MCM9: variants seen among roughly 807,000 people sequenced by gnomAD.
MCM9 encodes DNA helicase MCM9.
In MCM9, 55 loss-of-function variants were observed where a neutral mutation model predicts 72.8. The observed-to-expected ratio is 0.76, with a 90% CI of 0.61 to 0.95. MCM9 has a LOEUF of 0.95. Ranked by LOEUF, MCM9 falls within the 40% of genes least tolerant of loss-of-function variation. The pLI is 0.00. For synonymous variants in MCM9, 480 were observed against 503.4 expected, an observed-to-expected ratio of 0.95 and a Z score of 0.62; for missense variants, 1,279 against 1,377.0, an observed-to-expected ratio of 0.93 and a Z score of 1.13.
At chr6:118,850,195 C>A (rs1776131528) in intron 9 of MCM9, among the ~76,000 whole-genome samples, 1 of 151,794 alleles carries the variant, frequency 6.6e-6, no homozygotes, top group Non-Finnish European at 1.5e-5. Context: ...TGCACTTTAA[C>A]AACATATAAC....
chr6:118,878,231 T>C (rs1778064429), intron 8 of MCM9, among the ~76,000 whole-genome samples: 2 of 151,974 alleles, frequency 1.3e-5, no homozygotes, highest in South Asian at 2.1e-4. Context: ...TATTAAAAGA[T>C]AATACTGATC....
chr6:118,924,233 G>A, intron 3 of MCM9, 106 bp from the exon 4 acceptor site: 5 of 993,718 alleles, frequency 5.0e-6, no homozygotes, highest in South Asian at 3.3e-5. Context: ...ATTTCAGGGG[G>A]AAAAAAAAGA....
At chr6:118,823,106 G>A (rs1214425892) in intron 13 of MCM9, among the ~76,000 whole-genome samples, 2 of 152,150 alleles carry the variant, frequency 1.3e-5, no homozygotes, top group African/African-American at 4.8e-5. Context: ...CCCTTTCCAG[G>A]GGAGTGAATG....
At chr6:118,823,281 T>C (rs542900813) in intron 13 of MCM9, among the ~76,000 whole-genome samples, 84 of 152,252 alleles carry the variant, frequency 5.5e-4, no homozygotes, top group South Asian at 1.7e-3. Flanking sequence ...GCAAAAACCA[T>C]GGGAAAAGCG....
At chr6:118,848,129 T>G (rs1247621185) in intron 9 of MCM9, among the ~76,000 whole-genome samples, 1 of 151,848 alleles carries the variant, frequency 6.6e-6, no homozygotes, top group Admixed American at 6.5e-5. Context: ...AGCACTTCAT[T>G]TTAGATAGAC....
intron 9 of MCM9, among the ~76,000 whole-genome samples, 168 bp downstream of exon 9, chr6:118,856,203 C>T (rs1042086251): frequency 1.3e-5 from 2 of 152,216 alleles, no homozygotes; most frequent in African/African-American, 2.4e-5. Flanking sequence ...TTTCCTCACA[C>T]ACTTCTGTGG....
At chr6:118,894,076 TAA>T (rs760464761) in intron 8 of MCM9, 82 of 1,096,490 alleles carry the variant, frequency 7.5e-5, no homozygotes, top group East Asian at 1.4e-4. Context: ...GAGCCGCAGT[TAA>T]AGTTTCCGAG....
chr6:118,897,264 C>G (rs1263487552), intron 8 of MCM9, among the ~76,000 whole-genome samples: 3 of 152,088 alleles, frequency 2.0e-5, no homozygotes, highest in Non-Finnish European at 2.9e-5. Context: ...CCTTTAAGAG[C>G]TGCCCTGTAG....
intron 9 of MCM9, among the ~76,000 whole-genome samples, chr6:118,850,656 G>T (rs1053953837): frequency 7.9e-5 from 12 of 151,744 alleles, no homozygotes; most frequent in Non-Finnish European, 1.6e-4. Context: ...GTTGGTATTT[G>T]TTGTCCTGAG....
At chr6:118,916,445 A>C (rs1289380520) in intron 6 of MCM9, among the ~76,000 whole-genome samples, 2,629 of 87,752 alleles carry the variant, frequency 0.03, 82 homozygotes, top group African/African-American at 0.12. Flanking sequence ...TATTATTATT[A>C]TTATTATTAT....
intron 8 of MCM9, among the ~76,000 whole-genome samples, chr6:118,893,610 T>C (rs905380020): frequency 5.0e-4 from 76 of 152,216 alleles, no homozygotes; most frequent in Non-Finnish European, 1.5e-4. Context: ...ACGTAGATAC[T>C]GGCCAAGAGC....
intron 13 of MCM9, among the ~76,000 whole-genome samples, chr6:118,817,979 C>CT (rs1339792265): frequency 1.4e-5 from 2 of 147,460 alleles, no homozygotes; most frequent in African/African-American, 4.9e-5. Flanking sequence ...GTTTTGATGG[C>CT]TTTTTTTCTT....
intron 8 of MCM9, among the ~76,000 whole-genome samples, chr6:118,870,424 T>G (rs1583487894): frequency 3.1e-4 from 1 of 3,206 alleles, no homozygotes; most frequent in Non-Finnish European, 4.8e-4. Flanking sequence ...ATTAATGGGT[T>G]TTTTTTTTTA....
chr6:118,835,337 T>G (rs926702298), intron 9 of MCM9, among the ~76,000 whole-genome samples: 1 of 152,202 alleles, frequency 6.6e-6, no homozygotes, highest in Non-Finnish European at 1.5e-5. Context: ...ATATGGGCTC[T>G]TTTTTGGTTC....
chr6:118,933,732 C>T (rs11967232), intron 1 of MCM9, among the ~76,000 whole-genome samples: 87,865 of 151,546 alleles, frequency 0.58, 25,987 homozygotes, highest in East Asian at 0.69. Flanking sequence ...ACCTACTATT[C>T]CGCAAGGTGT....
At chr6:118,842,424 CAA>C (rs761879265) in intron 9 of MCM9, among the ~76,000 whole-genome samples, 1 of 152,322 alleles carries the variant, frequency 6.6e-6, no homozygotes, top group African/African-American at 2.4e-5. Flanking sequence ...TCAAGTTATT[CAA>C]ATGACTACAC....
At chr6:118,920,518 A>G (rs1354371515) in intron 5 of MCM9, 1 of 152,270 alleles carries the variant, frequency 6.6e-6, no homozygotes, top group Non-Finnish European at 1.5e-5. Context: ...AATCCCTAGT[A>G]TTGGAGGAGA....
chr6:118,900,849 G>A, intron 8 of MCM9: 1 of 1,613,536 alleles, frequency 6.2e-7, no homozygotes, highest in Non-Finnish European at 8.5e-7. Context: ...AGTGGGTCCT[G>A]TTCCCGCAGG....
chr6:118,921,886 G>T, intron 5 of MCM9, 119 bp downstream of exon 5: 1 of 713,984 alleles, frequency 1.4e-6, no homozygotes, highest in Non-Finnish European at 2.4e-6. Flanking sequence ...ATCTCAAGGT[G>T]AGCAATTACA....
Sources: allele counts gnomAD v4.1 joint callset (sites outside exome capture counted in the v4.1 genomes callset), GRCh38; gene constraint gnomAD v4.1.1; transcripts MANE v1.5; gene names NCBI Gene and HGNC (gene_info 2026-07-23, HGNC 2026-07-21).